MACROD2: variants seen among roughly 807,000 people sequenced by gnomAD.
MACROD2 encodes mono-ADP ribosylhydrolase 2.
In MACROD2, 36 loss-of-function variants were observed where a neutral mutation model predicts 70.4. The observed-to-expected ratio is 0.51, with a 90% CI of 0.39 to 0.68. The LOEUF (loss-of-function observed/expected upper bound fraction) is 0.68, where lower values mean the gene tolerates loss of function less well. MACROD2 is among the 30% of genes least tolerant of loss of function. The pLI is 0.00. For synonymous variants in MACROD2, 172 were observed against 178.8 expected, an observed-to-expected ratio of 0.96 and a Z score of 0.30; for missense variants, 496 against 538.4, an observed-to-expected ratio of 0.92 and a Z score of 0.78.
chr20:15,432,997 T>C (rs1441792859), intron 7 of MACROD2, among the ~76,000 whole-genome samples: 1 of 151,956 alleles, frequency 6.6e-6, no homozygotes, highest in Non-Finnish European at 1.5e-5. Flanking sequence ...ATTGATAAAA[T>C]CCAGCATCCT....
chr20:14,086,129 T>C (rs901071306), intron 3 of MACROD2: 12 of 341,058 alleles, frequency 3.5e-5, no homozygotes, highest in Non-Finnish European at 5.9e-5. Flanking sequence ...GATTGAACTA[T>C]GTAAGACAAA....
chr20:14,076,106 T>C (rs1197141663), intron 2 of MACROD2, among the ~76,000 whole-genome samples: 4 of 152,230 alleles, frequency 2.6e-5, no homozygotes, highest in South Asian at 2.1e-4. Context: ...GTTTACTTGA[T>C]TAATTGCTAA....
At chr20:15,986,226 G>A (rs950396796) in intron 13 of MACROD2, among the ~76,000 whole-genome samples, 3 of 152,154 alleles carry the variant, frequency 2.0e-5, no homozygotes, top group African/African-American at 4.8e-5. Flanking sequence ...AGCGATACGG[G>A]AGGGTCTCTC....
chr20:15,639,804 G>A (rs1438489192), intron 8 of MACROD2, among the ~76,000 whole-genome samples: 2 of 152,028 alleles, frequency 1.3e-5, no homozygotes, highest in Admixed American at 1.3e-4. Context: ...AAAAGAGAGT[G>A]GGGGGAAAGA....
intron 5 of MACROD2, among the ~76,000 whole-genome samples, chr20:14,744,394 C>G (rs889577149): frequency 2.6e-5 from 4 of 151,978 alleles, no homozygotes; most frequent in African/African-American, 9.7e-5. Flanking sequence ...GTATATGTAC[C>G]TTGTGGAATG....
intron 5 of MACROD2, among the ~76,000 whole-genome samples, chr20:14,738,460 T>C (rs2071694077): frequency 6.6e-6 from 1 of 152,124 alleles, no homozygotes; most frequent in African/African-American, 2.4e-5. Flanking sequence ...TGAAAATTCA[T>C]CTCACCCACT....
chr20:14,060,333 G>A (rs1260693928), intron 2 of MACROD2, among the ~76,000 whole-genome samples: 1 of 152,102 alleles, frequency 6.6e-6, no homozygotes, highest in Non-Finnish European at 1.5e-5. Context: ...GGGGATGAAA[G>A]GCTAGCAACT....
chr20:14,841,553 GC>G (rs1366295844), intron 5 of MACROD2, among the ~76,000 whole-genome samples: 1 of 151,818 alleles, frequency 6.6e-6, no homozygotes, highest in Non-Finnish European at 1.5e-5. Flanking sequence ...TAGAAAGGCA[GC>G]CCTTGCCACA....
At chr20:15,050,897 G>T (rs1045938191) in intron 5 of MACROD2, among the ~76,000 whole-genome samples, 1 of 151,966 alleles carries the variant, frequency 6.6e-6, no homozygotes, top group Non-Finnish European at 1.5e-5. Flanking sequence ...GACTCAAAGG[G>T]TGTTCAAAAT....
intron 3 of MACROD2, among the ~76,000 whole-genome samples, chr20:14,433,015 A>G (rs2084012343): frequency 6.6e-6 from 1 of 152,128 alleles, no homozygotes; most frequent in Non-Finnish European, 1.5e-5. Flanking sequence ...AACTGTCATT[A>G]TGTGTCTGCA....
intron 5 of MACROD2, among the ~76,000 whole-genome samples, chr20:14,986,989 C>T (rs1032709163): frequency 4.6e-5 from 7 of 152,172 alleles, no homozygotes; most frequent in Admixed American, 1.3e-4. Flanking sequence ...CCCAGAACTC[C>T]TGCATACAAA....
At chr20:14,051,124 A>G (rs1029067375) in intron 2 of MACROD2, among the ~76,000 whole-genome samples, 8 of 152,232 alleles carry the variant, frequency 5.3e-5, no homozygotes, top group Admixed American at 1.3e-4. Context: ...ATCTATATGC[A>G]TGTTCAAATG....
chr20:15,931,642 C>A (rs1266622350), intron 10 of MACROD2, among the ~76,000 whole-genome samples: 3 of 150,478 alleles, frequency 2.0e-5, no homozygotes, highest in African/African-American at 7.4e-5. Flanking sequence ...GGCTCTGTGT[C>A]TATTAAAAAA....
At chr20:14,677,950 A>G (rs1192568426) in intron 4 of MACROD2, among the ~76,000 whole-genome samples, 1 of 152,234 alleles carries the variant, frequency 6.6e-6, no homozygotes, top group Non-Finnish European at 1.5e-5. Flanking sequence ...AAAAATTGCC[A>G]TCATGATATT....
intron 8 of MACROD2, among the ~76,000 whole-genome samples, chr20:15,694,418 T>A (rs1265417721): frequency 6.6e-6 from 1 of 152,134 alleles, no homozygotes; most frequent in East Asian, 1.9e-4. Flanking sequence ...CTTGCAGGAG[T>A]AAGGTGGTAT....
intron 6 of MACROD2, among the ~76,000 whole-genome samples, chr20:15,395,989 G>GACAATAACGT (rs1235000749): frequency 6.6e-6 from 1 of 152,168 alleles, no homozygotes; most frequent in Non-Finnish European, 1.5e-5. Context: ...CTAACTGGAA[G>GACAATAACGT]ACATAATAAA....
chr20:15,547,372 G>C (rs1187855068), intron 8 of MACROD2, among the ~76,000 whole-genome samples: 1 of 152,144 alleles, frequency 6.6e-6, no homozygotes, highest in African/African-American at 2.4e-5. Flanking sequence ...GGTACTAGCT[G>C]TTCTTATCTC....
chr20:15,125,296 C>T (rs1254246056), intron 5 of MACROD2, among the ~76,000 whole-genome samples: 1 of 152,050 alleles, frequency 6.6e-6, no homozygotes, highest in African/African-American at 2.4e-5. Flanking sequence ...TGGCCTTAAA[C>T]TCTCTTCCCC....
At chr20:15,979,793 A>T (rs906977573) in intron 13 of MACROD2, among the ~76,000 whole-genome samples, 11 of 152,094 alleles carry the variant, frequency 7.2e-5, no homozygotes, top group Non-Finnish European at 1.0e-4. Context: ...AATCAACCTA[A>T]AAGTAATCAA....
Sources: allele counts gnomAD v4.1 joint callset (sites outside exome capture counted in the v4.1 genomes callset), GRCh38; gene constraint gnomAD v4.1.1; transcripts MANE v1.5; gene names NCBI Gene and HGNC (gene_info 2026-07-23, HGNC 2026-07-21).